The following ADAM22 variants were observed in gnomAD, a reference collection of about 807,000 sequenced individuals.
ADAM22 encodes the protein disintegrin and metalloproteinase domain-containing protein 22.
ADAM22 carries 65 observed loss-of-function variants against 144.6 expected under a neutral mutation model. The observed-to-expected ratio is 0.45, with a 90% CI of 0.37 to 0.55. The LOEUF (loss-of-function observed/expected upper bound fraction) is 0.55, where lower values mean the gene tolerates loss of function less well. Ranked by LOEUF, ADAM22 falls within the 20% of genes least tolerant of loss-of-function variation. ADAM22 has a pLI of 0.00. For missense variants in ADAM22, 974 were observed against 1,184.9 expected (o/e 0.82, Z 2.61); for synonymous variants, 391 against 412.6 (o/e 0.95, Z 0.63).
intron 14 of ADAM22, among the ~76,000 whole-genome samples, chr7:88,142,158 G>T (rs556526146): frequency 5.5e-4 from 83 of 152,124 alleles, no homozygotes; most frequent in African/African-American, 1.9e-3. Context: ...ACCTTACTTT[G>T]CATTTTCTAC....
intron 10 of ADAM22, 107 bp downstream of exon 10, chr7:88,130,566 C>T: frequency 3.7e-6 from 4 of 1,080,318 alleles, no homozygotes; most frequent in Non-Finnish European, 4.0e-6. Flanking sequence ...TGTTGCACTT[C>T]AGCCAAGGTG....
chr7:87,996,598 A>G (rs992922158), intron 3 of ADAM22, among the ~76,000 whole-genome samples: 12 of 152,226 alleles, frequency 7.9e-5, no homozygotes, highest in African/African-American at 2.9e-4. Context: ...ACTGAAGGGA[A>G]TATTATTGGG....
chr7:88,154,342 G>T (rs779162638), intron 21 of ADAM22, among the ~76,000 whole-genome samples: 1 of 151,996 alleles, frequency 6.6e-6, no homozygotes, highest in Non-Finnish European at 1.5e-5. Context: ...TCCAAATCTA[G>T]CAAACCTTAC....
intron 3 of ADAM22, among the ~76,000 whole-genome samples, chr7:88,052,051 G>C (rs949835248): frequency 6.6e-6 from 1 of 152,094 alleles, no homozygotes; most frequent in Admixed American, 6.5e-5. Flanking sequence ...TATATCATTT[G>C]TTGCAACTTT....
At chr7:88,159,484 G>A (rs1413529450) in intron 22 of ADAM22, among the ~76,000 whole-genome samples, 4 of 152,092 alleles carry the variant, frequency 2.6e-5, no homozygotes, top group Non-Finnish European at 5.9e-5. Context: ...TATCCTTGAT[G>A]AACATTGATT....
intron 3 of ADAM22, among the ~76,000 whole-genome samples, chr7:87,986,260 C>T (rs1788454032): frequency 6.6e-6 from 1 of 152,176 alleles, no homozygotes; most frequent in Admixed American, 6.5e-5. Flanking sequence ...GTGAATCCCA[C>T]AACTAGACTT....
intron 23 of ADAM22, among the ~76,000 whole-genome samples, chr7:88,164,544 T>C (rs1842517652): frequency 6.6e-6 from 1 of 152,076 alleles, no homozygotes; most frequent in Non-Finnish European, 1.5e-5. Context: ...GTTAGGAGTG[T>C]GGGCTTGCAA....
At chr7:87,988,319 G>A (rs1254807380) in intron 3 of ADAM22, among the ~76,000 whole-genome samples, 2 of 152,118 alleles carry the variant, frequency 1.3e-5, no homozygotes, top group Non-Finnish European at 2.9e-5. Context: ...AATGGTACCT[G>A]GGAGGAACTA....
rs147181367 is a variant in ADAM22 at position 87,976,661 on chromosome 7, G to C, written c.247-1675G>C. On this transcript the variant is annotated intron_variant, in intron 2 of 31. Transcript: ENST00000413139. Reference sequence around the variant, plus strand: ...GCCGTTTCTGGGAAACAGCTTTGGGGAAGTGTCTAGTTCAGGAAAGGTCTC... The same window carrying C: ...GCCGTTTCTGGGAAACAGCTTTGGGCAAGTGTCTAGTTCAGGAAAGGTCTC... Among the ~76,000 whole-genome samples, 579 of 152,306 alleles carry C rather than the reference G, an allele frequency of 3.8e-3. 5 individuals are homozygous for C. Among genetic ancestry groups the C allele is most frequent in the African/African-American group, 0.013 (549 of 41,570 alleles).
intron 6 of ADAM22, among the ~76,000 whole-genome samples, chr7:88,116,127 G>A (rs1349277268): frequency 6.6e-6 from 1 of 151,738 alleles, no homozygotes; most frequent in African/African-American, 2.4e-5. Context: ...TTGACAGTAT[G>A]ATTTTTTTAA....
chr7:88,059,366 T>C (rs542779420), intron 3 of ADAM22, among the ~76,000 whole-genome samples: 5 of 152,276 alleles, frequency 3.3e-5, no homozygotes, highest in African/African-American at 1.2e-4. Context: ...AACAAATGAA[T>C]TCAGTTGAAA....
At chr7:88,057,127 C>CTTTTT in intron 3 of ADAM22, among the ~76,000 whole-genome samples, 1 of 148,140 alleles carries the variant, frequency 6.8e-6, no homozygotes, top group Non-Finnish European at 1.5e-5. Context: ...ATTATTGAAT[C>CTTTTT]TTTTTTTTTT....
At chr7:87,971,577 G>A (rs1850445751) in intron 2 of ADAM22, among the ~76,000 whole-genome samples, 1 of 152,096 alleles carries the variant, frequency 6.6e-6, no homozygotes, top group Admixed American at 6.6e-5. Flanking sequence ...TTTGAAAGAT[G>A]GCATTTCTGC....
chr7:87,954,225 T>G (rs139825886), intron 2 of ADAM22, among the ~76,000 whole-genome samples: 16,685 of 152,162 alleles, frequency 0.11, 1,019 homozygotes, highest in South Asian at 0.14. Flanking sequence ...TTGATGCAGT[T>G]TCTTCCTAGT....
rs976639643 is a variant in ADAM22, at chr7:88,170,454, T to TA, written c.2283-1079dup. ...CCTTGGGGTGGAGAATAGCAGGAAT[T>TA]AAAAAAAAAAATAAAGTAGAATGCT... On this transcript the variant is annotated intron_variant, in intron 25 of 31. Transcript: ENST00000413139. Among the ~76,000 whole-genome samples the TA allele has an allele frequency of 3.3e-3, 489 of 146,640 alleles. 1 individual carries two copies. Among genetic ancestry groups the TA allele is most frequent in the African/African-American group, 0.011 (439 of 40,334 alleles).
intron 3 of ADAM22, among the ~76,000 whole-genome samples, chr7:88,061,273 C>T (rs961491461): frequency 5.4e-4 from 82 of 152,316 alleles, no homozygotes; most frequent in African/African-American, 1.7e-3. Context: ...TCAAAATCAA[C>T]TTCTTCCAAA....
rs1003588938 is a variant in ADAM22 at position 88,013,664 on chromosome 7, A to G, written c.323+35252A>G. On this transcript the variant is annotated intron_variant, in intron 3 of 31. Coordinates refer to ENST00000413139, the MANE Select transcript of ADAM22 (RefSeq NM_001324418.2). ...AGCTGGTCTCAAACTCTTGGCCTCA[A>G]GTGATCCATGCCTTGCCTCCCAAAG... 5.5e-4 allele frequency among the ~76,000 whole-genome samples: 84 copies of G among 152,268 alleles called. 1 individual carries two copies. The highest frequency in any genetic ancestry group is 1.9e-3 in the African/African-American group (79 of 41,580).
At chr7:88,083,063 C>T (rs1817301434) in intron 4 of ADAM22, among the ~76,000 whole-genome samples, 1 of 152,084 alleles carries the variant, frequency 6.6e-6, no homozygotes, top group South Asian at 2.1e-4. Context: ...GCACTATTCA[C>T]AATAGCAAAG....
rs556129434 is a variant in ADAM22 at position 88,151,035 on chromosome 7, G to A, written c.1617+4G>A. The A allele has an allele frequency of 1.7e-5, 27 of 1,613,102 alleles. 1 individual carries two copies. The highest frequency in any genetic ancestry group is 2.3e-5 in the Non-Finnish European group (27 of 1,179,400). ...ATATTCATGTGATGGTGTTCAGGTA[G>A]GTCACTTCATTTTTACCTATGTTTT... On this transcript the variant is annotated splice_donor_region_variant and intron_variant, in intron 19 of 31. Transcript: ENST00000413139.
Sources: allele counts gnomAD v4.1 joint callset (sites outside exome capture counted in the v4.1 genomes callset), GRCh38; gene constraint gnomAD v4.1.1; transcripts MANE v1.5; gene names NCBI Gene and HGNC (gene_info 2026-07-23, HGNC 2026-07-21).